The following NR3C2 variants were observed in gnomAD, a reference collection of about 807,000 sequenced individuals.
NR3C2 encodes the protein nuclear receptor subfamily 3 group C member 2.
NR3C2 carries 15 observed loss-of-function variants against 86.4 expected under a neutral mutation model. That is an observed-to-expected ratio of 0.17 (90% CI 0.12 to 0.27). NR3C2 has a LOEUF of 0.27. Ranked by LOEUF, NR3C2 falls within the 10% of genes least tolerant of loss-of-function variation. The pLI is 1.00. For missense variants in NR3C2, 960 were observed against 1,195.6 expected (o/e 0.80, Z 2.91); for synonymous variants, 458 against 450.5 (o/e 1.02, Z -0.21).
At chr4:148,148,184 A>G (rs1358064331) in intron 6 of NR3C2, among the ~76,000 whole-genome samples, 2 of 151,170 alleles carry the variant, frequency 1.3e-5, no homozygotes, top group East Asian at 1.9e-4. Flanking sequence ...CTTATTCCCT[A>G]TCCCAGTGAG....
intron 2 of NR3C2, among the ~76,000 whole-genome samples, chr4:148,390,060 G>A (rs1747461847): frequency 6.6e-6 from 1 of 151,794 alleles, no homozygotes. Flanking sequence ...GACACACCAG[G>A]GGAGAGGTAA....
At chr4:148,195,783 C>T (rs769744704) in intron 3 of NR3C2, among the ~76,000 whole-genome samples, 4 of 152,028 alleles carry the variant, frequency 2.6e-5, no homozygotes, top group Non-Finnish European at 5.9e-5. Context: ...CTGGCATGTT[C>T]TAGGAACAGC....
chr4:148,309,129 C>T (rs1030992462), intron 2 of NR3C2, among the ~76,000 whole-genome samples: 2 of 151,522 alleles, frequency 1.3e-5, no homozygotes, highest in Admixed American at 1.3e-4. Context: ...CACTGTGTAC[C>T]CTCTGAACAG....
At chr4:148,173,846 G>C (rs570887532) in intron 4 of NR3C2, among the ~76,000 whole-genome samples, 1 of 152,176 alleles carries the variant, frequency 6.6e-6, no homozygotes, top group Admixed American at 6.5e-5. Context: ...GCACTGAAGC[G>C]AAGGAGCGTG....
intron 4 of NR3C2, among the ~76,000 whole-genome samples, chr4:148,193,715 A>G (rs192889572): frequency 4.8e-4 from 73 of 152,348 alleles, no homozygotes; most frequent in African/African-American, 1.5e-3. Flanking sequence ...ACCCATAGAT[A>G]GTGGGATTTG....
At chr4:148,150,498 G>A (rs1051631860) in intron 6 of NR3C2, among the ~76,000 whole-genome samples, 6 of 152,098 alleles carry the variant, frequency 3.9e-5, no homozygotes, top group Admixed American at 3.3e-4. Flanking sequence ...TCAGCACTAC[G>A]TCTAGGGGCC....
chr4:148,444,884 G>C, upstream of NR3C2: 4 of 984,938 alleles, frequency 4.1e-6, no homozygotes, highest in Non-Finnish European at 4.8e-6. Flanking sequence ...GGAGGATCCC[G>C]CGCCCGCCGC....
chr4:148,430,129 C>A (rs1416189622), intron 2 of NR3C2, among the ~76,000 whole-genome samples: 1 of 152,058 alleles, frequency 6.6e-6, no homozygotes, highest in Non-Finnish European at 1.5e-5. Flanking sequence ...CATGGAATAT[C>A]AAATCTATAA....
intron 2 of NR3C2, among the ~76,000 whole-genome samples, chr4:148,327,127 G>A (rs1462508684): frequency 6.6e-6 from 1 of 152,140 alleles, no homozygotes; most frequent in Non-Finnish European, 1.5e-5. Flanking sequence ...AAAAAGATGT[G>A]AGAGGGGTTA....
At chr4:148,427,750 T>C (rs1471508028) in intron 2 of NR3C2, among the ~76,000 whole-genome samples, 1 of 151,986 alleles carries the variant, frequency 6.6e-6, no homozygotes, top group Non-Finnish European at 1.5e-5. Context: ...ATTCCAGATC[T>C]GGGTCAGGAA....
At chr4:148,346,639 T>C (rs1342901290) in intron 2 of NR3C2, among the ~76,000 whole-genome samples, 1 of 152,096 alleles carries the variant, frequency 6.6e-6, no homozygotes, top group Non-Finnish European at 1.5e-5. Flanking sequence ...AAGTGAAATG[T>C]ACTATAAATA....
intron 3 of NR3C2, among the ~76,000 whole-genome samples, chr4:148,233,632 T>A (rs1738580602): frequency 6.6e-6 from 1 of 152,070 alleles, no homozygotes; most frequent in Admixed American, 6.6e-5. Context: ...AGAGCTCAAC[T>A]CAATTGGGCT....
chr4:148,143,010 G>A (rs999689119), intron 6 of NR3C2, among the ~76,000 whole-genome samples: 1 of 152,180 alleles, frequency 6.6e-6, no homozygotes, highest in East Asian at 1.9e-4. Context: ...AGATGCCGGT[G>A]CTATGCCTCC....
At chr4:148,087,519 T>C (rs763122514) in intron 8 of NR3C2, among the ~76,000 whole-genome samples, 3 of 151,866 alleles carry the variant, frequency 2.0e-5, no homozygotes, top group African/African-American at 4.8e-5. Context: ...AACAGATATA[T>C]AGACCAATGG....
intron 3 of NR3C2, among the ~76,000 whole-genome samples, chr4:148,233,909 A>G (rs1738597951): frequency 6.6e-6 from 1 of 152,220 alleles, no homozygotes; most frequent in Admixed American, 6.5e-5. Context: ...CAGAGACATG[A>G]AGTGAGCACA....
chr4:148,128,058 T>C (rs1732833472), intron 6 of NR3C2, among the ~76,000 whole-genome samples: 2 of 152,346 alleles, frequency 1.3e-5, no homozygotes, highest in South Asian at 2.1e-4. Flanking sequence ...GTTTAATTCA[T>C]GTAAGAATAG....
At chr4:148,277,746 C>T (rs1741029734) in intron 2 of NR3C2, among the ~76,000 whole-genome samples, 2 of 151,956 alleles carry the variant, frequency 1.3e-5, no homozygotes, top group Admixed American at 1.3e-4. Context: ...TAATCTGTAC[C>T]TCAGGAAGGT....
chr4:148,284,031 C>A (rs118082212), intron 2 of NR3C2, among the ~76,000 whole-genome samples: 3 of 152,096 alleles, frequency 2.0e-5, no homozygotes, highest in African/African-American at 7.2e-5. Context: ...CCTTGTCCCA[C>A]GGGAGAGATA....
chr4:148,405,924 A>C (rs1313477584), intron 2 of NR3C2, among the ~76,000 whole-genome samples: 1 of 152,208 alleles, frequency 6.6e-6, no homozygotes, highest in Non-Finnish European at 1.5e-5. Context: ...CAGGTGGATC[A>C]CTTGAGGTCA....
Sources: gnomAD v4.1 joint callset for allele counts (sites outside exome capture counted in the v4.1 genomes callset) on GRCh38, gnomAD v4.1.1 for gene constraint, MANE v1.5 for transcripts, NCBI Gene and HGNC (gene_info 2026-07-23, HGNC 2026-07-21) for gene names.